Variants in CUL5 observed in about 807,000 individuals in gnomAD.
The protein encoded by CUL5 is cullin-5.
Under a neutral mutation model 108.8 loss-of-function variants are expected in CUL5, and 26 were observed. The ratio of observed to expected loss-of-function variants is 0.24; its 90% CI spans 0.18 to 0.33. The LOEUF (loss-of-function observed/expected upper bound fraction) is 0.33. Ranked by LOEUF, CUL5 falls within the 10% of genes least tolerant of loss-of-function variation. The pLI, the probability that CUL5 is intolerant of heterozygous loss-of-function variation, is 1.00. For synonymous variants in CUL5, 334 were observed against 298.0 expected (o/e 1.12, Z -1.25); for missense variants, 524 against 909.2 (o/e 0.58, Z 5.45).
intron 13 of CUL5, among the ~76,000 whole-genome samples, chr11:108,091,925 C>T (rs1264089939): frequency 6.6e-6 from 1 of 151,958 alleles, no homozygotes; most frequent in African/African-American, 2.4e-5. Context: ...TTGCATGAAG[C>T]CAGGAGTTAG....
chr11:108,055,884 G>A (rs1863365346), intron 7 of CUL5, among the ~76,000 whole-genome samples: 1 of 152,128 alleles, frequency 6.6e-6, no homozygotes, highest in African/African-American at 2.4e-5. Context: ...ACCTGCCTTG[G>A]CCTCCCAGAG....
Position 108,027,273 on chromosome 11 carries a change from A to AT in CUL5, c.25-6515dup, listed in dbSNP as rs35581482. ...TTATAGGCGCCACCATGCCCAGCTA[A>AT]TTTTTTTTTTTTTTCTTTGAGACAG... On this transcript the variant is annotated intron_variant, in intron 1 of 18. Transcript: ENST00000393094. Among the ~76,000 whole-genome samples, 754 of 142,248 alleles carry AT rather than the reference A, an allele frequency of 5.3e-3. 3 individuals carry two copies. The highest frequency in any genetic ancestry group is 7.1e-3 in the Middle Eastern group (2 of 280). The allele number at this position is 142,248 out of a possible 152,430, so 93.3% of individuals were successfully genotyped here.
Position 108,046,555 on chromosome 11 carries a change from T to TA in CUL5, c.234+187dup, listed in dbSNP as rs2135120481. 3 of 521,194 alleles carry TA rather than the reference T, an allele frequency of 5.8e-6. No homozygotes were observed. In the East Asian group the frequency reaches 9.9e-5, roughly 17 times the overall value. 32.3% of individuals were successfully genotyped at this position (521,194 alleles called of 1,614,324 possible). On this transcript the variant is annotated intron_variant, in intron 3 of 18. Coordinates refer to ENST00000393094, the MANE Select transcript of CUL5 (RefSeq NM_003478.6). Reference sequence around the variant, plus strand: ...TTGGATTATTTTTTTCCCACAGTGATACTTCTGTCAAGAGAGTACATATTA... The same window carrying TA: ...TTGGATTATTTTTTTCCCACAGTGATAACTTCTGTCAAGAGAGTACATATTA...
intron 16 of CUL5, among the ~76,000 whole-genome samples, chr11:108,096,733 A>C (rs1565270392): frequency 6.6e-6 from 1 of 151,404 alleles, no homozygotes; most frequent in Non-Finnish European, 1.5e-5. Flanking sequence ...CACTCAGCTA[A>C]TTTTATATTT....
chr11:108,017,275 A>G (rs1051987176), intron 1 of CUL5, among the ~76,000 whole-genome samples: 1 of 151,574 alleles, frequency 6.6e-6, no homozygotes, highest in Non-Finnish European at 1.5e-5. Context: ...TTTTAGTTCT[A>G]GCTACTCAGG....
intron 12 of CUL5, 25 bp downstream of exon 12, chr11:108,088,684 C>T (rs778159156): frequency 1.3e-6 from 2 of 1,545,900 alleles, no homozygotes; most frequent in Non-Finnish European, 1.7e-6. Flanking sequence ...TGTATTTCAA[C>T]TTTTAAAATT....
intron 16 of CUL5, among the ~76,000 whole-genome samples, chr11:108,096,564 CTTTTTTTTTTT>C (rs71047671): frequency 1.0e-3 from 48 of 45,866 alleles, no homozygotes; most frequent in African/African-American, 3.2e-3. Context: ...CAGCTATGTA[CTTTTTTTTTTT>C]TTTTTTTTTT....
At chr11:108,090,792 G>A (rs995277905) in intron 13 of CUL5, among the ~76,000 whole-genome samples, 1 of 152,014 alleles carries the variant, frequency 6.6e-6, no homozygotes, top group African/African-American at 2.4e-5. Context: ...GTGCGAGCAA[G>A]CACACACGAG....
intron 1 of CUL5, among the ~76,000 whole-genome samples, chr11:108,032,927 C>G (rs2135085514): frequency 6.6e-6 from 1 of 151,964 alleles, no homozygotes; most frequent in Admixed American, 6.6e-5. Context: ...AGGACAACTA[C>G]AAAATTAGAT....
intron 11 of CUL5, among the ~76,000 whole-genome samples, chr11:108,083,958 T>C (rs1210400743): frequency 6.6e-6 from 1 of 152,208 alleles, no homozygotes; most frequent in Non-Finnish European, 1.5e-5. Flanking sequence ...ATTTGTAAAC[T>C]TCCGTAAAAC....
intron 16 of CUL5, among the ~76,000 whole-genome samples, chr11:108,097,293 G>C (rs1864525565): frequency 6.6e-6 from 1 of 152,234 alleles, no homozygotes; most frequent in African/African-American, 2.4e-5. Flanking sequence ...TGGAATTACA[G>C]GCGTGAGCCA....
chr11:108,036,913 A>C (rs776381486), intron 2 of CUL5, among the ~76,000 whole-genome samples: 29 of 152,344 alleles, frequency 1.9e-4, no homozygotes, highest in Non-Finnish European at 3.8e-4. Flanking sequence ...AGCAGCAGCT[A>C]GTCTGAAGAA....
intron 1 of CUL5, among the ~76,000 whole-genome samples, chr11:108,027,957 C>T (rs2135071887): frequency 1.3e-5 from 2 of 152,260 alleles, no homozygotes; most frequent in East Asian, 3.9e-4. Context: ...CTCTCTTTGT[C>T]TCCTTTGCTA....
chr11:108,014,073 G>A (rs917051269), intron 1 of CUL5, among the ~76,000 whole-genome samples: 1 of 152,172 alleles, frequency 6.6e-6, no homozygotes, highest in African/African-American at 2.4e-5. Context: ...TAAGGCAAAA[G>A]TTTCAGATGT....
chr11:108,012,846 C>A (rs1263873695), intron 1 of CUL5, among the ~76,000 whole-genome samples: 1 of 152,182 alleles, frequency 6.6e-6, no homozygotes, highest in African/African-American at 2.4e-5. Context: ...ATCCGCCTAC[C>A]TCGGCCACCC....
At chr11:108,062,555 TA>T (rs1225733283) in intron 7 of CUL5, among the ~76,000 whole-genome samples, 6 of 148,458 alleles carry the variant, frequency 4.0e-5, no homozygotes, top group African/African-American at 1.5e-4. Context: ...AAATTATAAA[TA>T]ATTAAATATT....
chr11:108,103,152 AAAG>A (rs1864712288), intron 18 of CUL5, among the ~76,000 whole-genome samples: 1 of 152,232 alleles, frequency 6.6e-6, no homozygotes. Context: ...GTAAAAGAGA[AAAG>A]AATATTTAAT....
chr11:108,053,661 T>G (rs1863296480), intron 5 of CUL5, among the ~76,000 whole-genome samples: 1 of 151,812 alleles, frequency 6.6e-6, no homozygotes, highest in African/African-American at 2.4e-5. Flanking sequence ...TACTTACCCC[T>G]TAAGTGGTAT....
intron 1 of CUL5, among the ~76,000 whole-genome samples, chr11:108,014,823 C>G (rs1361580071): frequency 6.6e-6 from 1 of 152,124 alleles, no homozygotes; most frequent in Non-Finnish European, 1.5e-5. Flanking sequence ...TACTGTAAGT[C>G]AAGTTGTGAT....
Sources: gnomAD v4.1 joint callset for allele counts (sites outside exome capture counted in the v4.1 genomes callset) on GRCh38, gnomAD v4.1.1 for gene constraint, MANE v1.5 for transcripts, NCBI Gene and HGNC (gene_info 2026-07-23, HGNC 2026-07-21) for gene names.